Variants in STAG1 observed in about 807,000 individuals in gnomAD.
The protein encoded by STAG1 is cohesin subunit SA-1.
STAG1 carries 26 observed loss-of-function variants against 170.9 expected under a neutral mutation model. The ratio of observed to expected loss-of-function variants is 0.15; its 90% CI spans 0.11 to 0.21. The LOEUF is 0.21. Ranked by LOEUF, STAG1 falls within the 10% of genes least tolerant of loss-of-function variation. The pLI is 1.00. For missense variants in STAG1, 964 were observed against 1,509.5 expected, an observed-to-expected ratio of 0.64 and a Z score of 5.99; for synonymous variants, 514 against 497.7, an observed-to-expected ratio of 1.03 and a Z score of -0.44.
At chr3:136,384,200 T>C (rs962082148) in intron 22 of STAG1, among the ~76,000 whole-genome samples, 3 of 151,710 alleles carry the variant, frequency 2.0e-5, no homozygotes, top group African/African-American at 7.3e-5. Flanking sequence ...CCTGTAATCT[T>C]AGCACTTTGG....
chr3:136,646,756 A>C (rs1462899164), intron 1 of STAG1, among the ~76,000 whole-genome samples: 1 of 152,090 alleles, frequency 6.6e-6, no homozygotes, highest in Non-Finnish European at 1.5e-5. Context: ...AAATACAAAA[A>C]GTAGCTGGGC....
At chr3:136,356,287 T>A (rs1454651285) in intron 28 of STAG1, among the ~76,000 whole-genome samples, 1 of 152,194 alleles carries the variant, frequency 6.6e-6, no homozygotes, top group South Asian at 2.1e-4. Context: ...CTGATCAACA[T>A]GACATCAACA....
At chr3:136,691,006 A>C (rs767750621) in intron 1 of STAG1, among the ~76,000 whole-genome samples, 3 of 151,768 alleles carry the variant, frequency 2.0e-5, no homozygotes, top group Non-Finnish European at 4.4e-5. Flanking sequence ...TCACAAAAAG[A>C]AAGACAGTTG....
chr3:136,550,888 G>T (rs1936353407), intron 5 of STAG1, among the ~76,000 whole-genome samples: 3 of 152,084 alleles, frequency 2.0e-5, no homozygotes, highest in Non-Finnish European at 4.4e-5. Flanking sequence ...GTTAGACAGG[G>T]TTTATGGATT....
intron 1 of STAG1, among the ~76,000 whole-genome samples, chr3:136,729,049 T>C (rs528237789): frequency 6.6e-6 from 1 of 152,332 alleles, no homozygotes; most frequent in Admixed American, 6.5e-5. Context: ...GGCACGATCT[T>C]GGCTCACCGC....
At chr3:136,358,672 T>G (rs1466025069) in intron 27 of STAG1, among the ~76,000 whole-genome samples, 1 of 152,196 alleles carries the variant, frequency 6.6e-6, no homozygotes, top group Non-Finnish European at 1.5e-5. Context: ...ACTCCCAGTC[T>G]TAAGTGATCC....
chr3:136,661,435 T>C (rs553495936), intron 1 of STAG1, among the ~76,000 whole-genome samples: 6 of 152,160 alleles, frequency 3.9e-5, no homozygotes, highest in East Asian at 1.9e-4. Flanking sequence ...AGGTCGTGGG[T>C]TGCAGTCAAA....
chr3:136,501,824 T>C (rs144023050), intron 8 of STAG1, among the ~76,000 whole-genome samples: 13 of 152,284 alleles, frequency 8.5e-5, no homozygotes, highest in African/African-American at 1.4e-4. Flanking sequence ...AGTTATAAGA[T>C]AGACTAATAG....
At chr3:136,486,313 C>A (rs1241389587) in intron 9 of STAG1, among the ~76,000 whole-genome samples, 1 of 152,130 alleles carries the variant, frequency 6.6e-6, no homozygotes, top group African/African-American at 2.4e-5. Flanking sequence ...CACATCCTTG[C>A]CTGACATTTG....
In STAG1 at chr3:136,422,559, A is replaced by T. The variant is rs1272402508; in HGVS notation, c.1888T>A (p.Ser630Thr). Residue 630 changes from serine (S) to threonine (T), a missense_variant, in exon 19 of 34, where the codon TCA (serine) becomes ACA (threonine). Transcript: ENST00000383202. ...IKFVVEKHVE[S>T]DVLEACSKTY... is the part of the protein sequence containing the mutation. ...TTACTGCAGGCTTCTAGAACATCTG[A>T]TTCTACGTGTTTCTCCACAACAAAC... is the stretch of plus-strand genomic sequence containing the variant. 6.2e-7 allele frequency: 1 copy of T among 1,613,920 alleles called. No homozygotes were observed. Among genetic ancestry groups the T allele is most frequent in the Non-Finnish European group, 8.5e-7 (1 of 1,179,984 alleles).
At chr3:136,693,004 T>A (rs545592141) in intron 1 of STAG1, among the ~76,000 whole-genome samples, 3 of 152,176 alleles carry the variant, frequency 2.0e-5, no homozygotes, top group Non-Finnish European at 4.4e-5. Context: ...GACACCGTAA[T>A]AGAAAAGCAG....
At chr3:136,511,937 AG>A (rs62688761) in intron 7 of STAG1, among the ~76,000 whole-genome samples, 54,580 of 151,506 alleles carry the variant, frequency 0.36, 12,336 homozygotes, top group East Asian at 0.81. Context: ...GGGTAGAAAA[AG>A]CATGATAACC....
chr3:136,471,450 G>A (rs1254463917), intron 12 of STAG1, among the ~76,000 whole-genome samples: 1 of 151,810 alleles, frequency 6.6e-6, no homozygotes, highest in African/African-American at 2.4e-5. Context: ...AGACAAAGAG[G>A]AGAAAATGAC....
At chr3:136,686,730 CTTGT>C (rs1302875328) in intron 1 of STAG1, among the ~76,000 whole-genome samples, 3 of 152,122 alleles carry the variant, frequency 2.0e-5, no homozygotes, top group African/African-American at 7.2e-5. Flanking sequence ...AACCAGGTGA[CTTGT>C]TTTTTTTAAT....
intron 4 of STAG1, among the ~76,000 whole-genome samples, chr3:136,572,215 TTAAA>T (rs1440645416): frequency 7.3e-5 from 11 of 150,414 alleles, no homozygotes; most frequent in East Asian, 2.0e-4. Flanking sequence ...ACTGTTTCAA[TTAAA>T]TAAATAAAAA....
rs770246252 is a variant in STAG1, at chr3:136,338,439, T to C, written c.3684A>G (p.Arg1228=). 1.9e-6 allele frequency: 3 copies of C among 1,613,796 alleles called. No homozygotes were observed. The highest frequency in any genetic ancestry group is 2.5e-6 in the Non-Finnish European group (3 of 1,179,712). ...DTMVIDLPPS[R]NRRERAELRP... ...TTAGCTCAGCTCTCTCTCGCCGATT[T>C]CTTGATGGAGGCTGGAAAGAGAAAT... The change falls in exon 33 of 34, where the codon AGA becomes AGG. Residue 1228 remains arginine (R), a synonymous_variant. Transcript: ENST00000383202.
At chr3:136,568,646 G>T in intron 5 of STAG1, 119 bp downstream of exon 5, 1 of 723,722 alleles carries the variant, frequency 1.4e-6, no homozygotes, top group Non-Finnish European at 2.4e-6. Context: ...ATCAGAAAAA[G>T]ATTAGCAGAT....
chr3:136,402,382 T>A (rs981762299), intron 21 of STAG1, among the ~76,000 whole-genome samples: 5 of 151,180 alleles, frequency 3.3e-5, no homozygotes, highest in Non-Finnish European at 7.4e-5. Context: ...CACACCCGGC[T>A]AATCTTTGTA....
At chr3:136,421,614 TC>T (rs1411433496) in intron 19 of STAG1, among the ~76,000 whole-genome samples, 75 of 152,160 alleles carry the variant, frequency 4.9e-4, no homozygotes, top group Non-Finnish European at 3.2e-4. Flanking sequence ...CTATGGAAAT[TC>T]CAGACTGCCT....
Sources: allele counts gnomAD v4.1 joint callset (sites outside exome capture counted in the v4.1 genomes callset), GRCh38; gene constraint gnomAD v4.1.1; transcripts MANE v1.5; gene names NCBI Gene and HGNC (gene_info 2026-07-23, HGNC 2026-07-21).